Variants in RBFOX3 observed in about 807,000 individuals in gnomAD.
RBFOX3 encodes RNA binding fox-1 homolog 3.
RBFOX3 carries 17 observed loss-of-function variants against 48.7 expected under a neutral mutation model. That is an observed-to-expected ratio of 0.35 (90% CI 0.24 to 0.52). RBFOX3 has a LOEUF of 0.52. RBFOX3 is among the 20% of genes least tolerant of loss of function. The pLI, the probability that RBFOX3 is intolerant of heterozygous loss-of-function variation, is 0.94. For missense variants in RBFOX3, 382 were observed against 497.5 expected (o/e 0.77, Z 2.21); for synonymous variants, 212 against 209.5 (o/e 1.01, Z -0.10).
chr17:79,267,710 G>A lies in RBFOX3; in HGVS notation c.-73-31905C>T, dbSNP rs144258483. Among the ~76,000 whole-genome samples the A allele has an allele frequency of 3.8e-3, 572 of 152,242 alleles. 4 individuals carry two copies. The highest frequency in any genetic ancestry group is 0.012 in the African/African-American group (516 of 41,548). On this transcript the variant is annotated intron_variant, in intron 3 of 14. Transcript: ENST00000693108. ...CTGGCCCCATGTCACTCTCTATGGA[G>A]GAAGATGCCAGAGCTCATGGCCTTG...
At chr17:79,622,475 G>C in the RBFOX3 span, among the ~76,000 whole-genome samples, 1 of 152,138 alleles carries the variant, frequency 6.6e-6, no homozygotes, top group African/African-American at 2.4e-5. Context: ...GTCTGAGTTG[G>C]CTCAGGCCAC....
intron 2 of RBFOX3, among the ~76,000 whole-genome samples, chr17:79,442,506 TATGGTAAGAGCTCCAA>T (rs574960905): frequency 0.032 from 4,796 of 151,920 alleles, 112 homozygotes; most frequent in Non-Finnish European, 0.044. Flanking sequence ...GTGAGAGGCG[TATGGTAAGAGCTCCAA>T]ATGGCGGTGG....
At chr17:79,376,694 G>A (rs1044222371) in intron 2 of RBFOX3, among the ~76,000 whole-genome samples, 4 of 152,298 alleles carry the variant, frequency 2.6e-5, no homozygotes, top group African/African-American at 9.6e-5. Context: ...GAAGAGGAGG[G>A]GTGCAGATTC....
At chr17:79,155,083 C>T (rs191438624) in intron 4 of RBFOX3, among the ~76,000 whole-genome samples, 71 of 152,360 alleles carry the variant, frequency 4.7e-4, no homozygotes, top group Admixed American at 2.5e-3. Flanking sequence ...TGCCACGGCA[C>T]GTGAGCTCGG....
At position 79,214,971 on chromosome 17, in the gene RBFOX3, G is replaced by A. The variant is rs1023077663; in HGVS notation, c.-34+20795C>T. 1.3e-5 allele frequency among the ~76,000 whole-genome samples: 2 copies of A among 151,994 alleles called. No homozygotes were observed. Among genetic ancestry groups the A allele is most frequent in the Non-Finnish European group, 2.9e-5 (2 of 67,938 alleles). ...TCGCCTGGTGCCGGTCAATTATGAA[G>A]CCACCCGCTGGTGCTGCCCCCACAC... On this transcript the variant is annotated intron_variant, in intron 4 of 14. Coordinates refer to ENST00000693108, the MANE Select transcript of RBFOX3 (RefSeq NM_001350451.2). The surrounding 1 kb of genome is among the most constrained non-coding windows in gnomAD (Gnocchi z 4.7).
the RBFOX3 span, among the ~76,000 whole-genome samples, chr17:79,620,581 G>C: frequency 5.4e-5 from 4 of 74,564 alleles, no homozygotes; most frequent in African/African-American, 1.0e-4. Flanking sequence ...GTGCACACAC[G>C]CACGCACACA....
chr17:79,634,843 T>G, the RBFOX3 span, among the ~76,000 whole-genome samples: 1 of 151,884 alleles, frequency 6.6e-6, no homozygotes, highest in Admixed American at 6.6e-5. Flanking sequence ...GTAGATCACT[T>G]GAGGTCAGGA....
chr17:79,492,350 A>G (rs1001632774), intron 1 of RBFOX3, among the ~76,000 whole-genome samples: 117 of 152,320 alleles, frequency 7.7e-4, no homozygotes, highest in African/African-American at 2.7e-3. Flanking sequence ...TGTGTGACCA[A>G]TAGAATTCAG....
intron 1 of RBFOX3, among the ~76,000 whole-genome samples, chr17:79,492,319 C>T (rs1456386068): frequency 6.6e-6 from 1 of 152,224 alleles, no homozygotes; most frequent in Non-Finnish European, 1.5e-5. Flanking sequence ...TGTCACCTCC[C>T]CTGTCATACC....
the RBFOX3 span, among the ~76,000 whole-genome samples, chr17:79,655,583 C>T: frequency 6.6e-6 from 1 of 152,204 alleles, no homozygotes; most frequent in Non-Finnish European, 1.5e-5. Context: ...GGCAGGAGGC[C>T]ATTGGTGGCC....
At chr17:79,440,685 G>A (rs1168081021) in intron 2 of RBFOX3, among the ~76,000 whole-genome samples, 3 of 152,102 alleles carry the variant, frequency 2.0e-5, no homozygotes, top group East Asian at 3.9e-4. Context: ...AGCCTCACCC[G>A]CAAGGTTGAC....
intron 1 of RBFOX3, among the ~76,000 whole-genome samples, chr17:79,552,449 C>T (rs1281552046): frequency 6.6e-6 from 1 of 152,116 alleles, no homozygotes; most frequent in Non-Finnish European, 1.5e-5. Flanking sequence ...CATAATTTGC[C>T]ATAAGAATAT....
At chr17:79,118,128 C>T (rs1040671458) in intron 4 of RBFOX3, among the ~76,000 whole-genome samples, 8 of 151,762 alleles carry the variant, frequency 5.3e-5, no homozygotes, top group Non-Finnish European at 8.8e-5. Flanking sequence ...GGCTCTGCAG[C>T]GGGGGCCGTC....
intron 11 of RBFOX3, 107 bp downstream of exon 11, chr17:79,097,183 CAG>C: frequency 1.1e-6 from 1 of 891,644 alleles, no homozygotes; most frequent in Non-Finnish European, 1.6e-6. Flanking sequence ...TCCCCCCCCC[CAG>C]GTCTGGAAAG....
intron 1 of RBFOX3, among the ~76,000 whole-genome samples, chr17:79,485,753 C>T (rs943689993): frequency 9.9e-5 from 15 of 152,230 alleles, no homozygotes; most frequent in Non-Finnish European, 2.1e-4. Context: ...GGGCAGGGAT[C>T]AGCCTCAGGG....
intron 4 of RBFOX3, among the ~76,000 whole-genome samples, chr17:79,179,533 GCCCCCTCCCCTC>G (rs1409085032): frequency 6.6e-6 from 1 of 151,276 alleles, no homozygotes; most frequent in Non-Finnish European, 1.5e-5. Context: ...CCCCCGGCCA[GCCCCCTCCCCTC>G]CCCTTACAAT....
intron 2 of RBFOX3, among the ~76,000 whole-genome samples, chr17:79,377,491 T>C (rs940298132): frequency 1.3e-5 from 2 of 152,146 alleles, no homozygotes; most frequent in South Asian, 4.1e-4. Flanking sequence ...CTCAGCGACA[T>C]CACTCCGAGT....
chr17:79,360,933 A>G (rs12944016), intron 2 of RBFOX3, among the ~76,000 whole-genome samples: 17,572 of 151,698 alleles, frequency 0.12, 1,137 homozygotes, highest in East Asian at 0.2. Context: ...TTGTAAACCA[A>G]TTTGTGTTTT....
At chr17:79,285,291 C>T (rs1229098504) in intron 3 of RBFOX3, among the ~76,000 whole-genome samples, 3 of 152,230 alleles carry the variant, frequency 2.0e-5, no homozygotes, top group Non-Finnish European at 4.4e-5. Context: ...AATATGCCCA[C>T]AAGAATTCCC....
Sources: gnomAD v4.1 joint callset for allele counts (sites outside exome capture counted in the v4.1 genomes callset) on GRCh38, gnomAD v4.1.1 for gene constraint, Gnocchi (gnomAD v3.1) non-coding constraint, MANE v1.5 for transcripts, NCBI Gene and HGNC (gene_info 2026-07-23, HGNC 2026-07-21) for gene names.